GATA4: variants seen among roughly 807,000 people sequenced by gnomAD.
GATA4 encodes transcription factor GATA-4.
Under a neutral mutation model 37.9 loss-of-function variants are expected in GATA4, and 7 were observed. The observed-to-expected ratio is 0.18, with a 90% CI of 0.11 to 0.35. The LOEUF (loss-of-function observed/expected upper bound fraction) is 0.35, where lower values mean the gene tolerates loss of function less well. GATA4 is among the 10% of genes least tolerant of loss of function. GATA4 has a pLI of 1.00. For synonymous variants in GATA4, 372 were observed against 292.6 expected (o/e 1.27, Z -2.77); for missense variants, 647 against 653.0 (o/e 0.99, Z 0.10).
At chr8:11,739,510 C>T (rs1801620647) in intron 2 of GATA4, among the ~76,000 whole-genome samples, 1 of 147,570 alleles carries the variant, frequency 6.8e-6, no homozygotes, top group African/African-American at 2.6e-5. Flanking sequence ...TATATACACA[C>T]ATGTATGTGT....
intron 6 of GATA4, among the ~76,000 whole-genome samples, chr8:11,758,027 CT>C (rs1363377518): frequency 6.6e-6 from 1 of 152,200 alleles, no homozygotes; most frequent in African/African-American, 2.4e-5. Context: ...CCATCAGAGC[CT>C]TCTGGGCAAC....
chr8:11,697,936 T>A lies in GATA4; in HGVS notation c.-728-2572T>A, dbSNP rs115506608. On this transcript the variant is annotated intron_variant, in intron 1 of 2. Transcript: ENST00000526974. ...CCCACCAGTCCCCTGATGTGCGCGT[T>A]GAGGTCTTGGGCCTGGCGGCGCTCC... is the stretch of plus-strand genomic sequence containing the variant. 6.5e-4 allele frequency: 639 copies of A among 985,458 alleles called. 3 individuals are homozygous for A. In the African/African-American group the frequency reaches 0.01, roughly 16 times the overall value. 61.0% of individuals were successfully genotyped at this position (985,458 alleles called of 1,614,324 possible).
chr8:11,692,838 G>C, intron 1 of GATA4: 1 of 981,474 alleles, frequency 1.0e-6, no homozygotes, highest in Non-Finnish European at 1.2e-6. Flanking sequence ...AGGCGGGGGC[G>C]GCCGGCCGGG....
In GATA4 at chr8:11,695,451, C is replaced by A. The variant is rs560217015; in HGVS notation, c.-729+2791C>A. ...TAAATAAGAGCCAGAGTAATGGGTT[C>A]TGCAGAACGATATCATCTTGTACAG... On this transcript the variant is annotated intron_variant, in intron 1 of 2. Transcript: ENST00000526974. Among the ~76,000 whole-genome samples, 109 of 152,282 alleles carry A rather than the reference C, an allele frequency of 7.2e-4. 5 individuals are homozygous for A. In the South Asian group the frequency reaches 0.022, roughly 30 times the overall value.
chr8:11,682,704 A>G (rs936094072), intron 1 of GATA4, among the ~76,000 whole-genome samples: 1 of 152,248 alleles, frequency 6.6e-6, no homozygotes, highest in African/African-American at 2.4e-5. Flanking sequence ...AAAGTCAGCT[A>G]TGTCTCCTCT....
In GATA4 at chr8:11,709,548, G is replaced by T. The variant is rs1007526910; in HGVS notation, c.616+620G>T. ...GGCACTGTGCGGGTGCCACCCGGCC[G>T]AGCGCGTGGGCGCATCATGCGGGCA... On this transcript the variant is annotated intron_variant, in intron 2 of 6. Coordinates refer to ENST00000532059, the MANE Select transcript of GATA4 (RefSeq NM_001308093.3). The surrounding 1 kb of genome is among the most constrained non-coding windows in gnomAD (Gnocchi z 4.3). Among the ~76,000 whole-genome samples, 2 of 149,876 alleles carry T rather than the reference G, an allele frequency of 1.3e-5. No individual in the cohort carries two copies. The highest frequency in any genetic ancestry group is 1.5e-5 in the Non-Finnish European group (1 of 67,348).
At chr8:11,700,828 C>T (rs1383910764), upstream of GATA4, 1 of 152,228 alleles carries the variant, frequency 6.6e-6, no homozygotes, top group African/African-American at 2.4e-5. Context: ...ACTCTGGCGA[C>T]CTTGGTGGCG....
chr8:11,692,173 A>G (rs1404875330), upstream of GATA4: 1 of 371,940 alleles, frequency 2.7e-6, no homozygotes, highest in East Asian at 1.7e-4. Flanking sequence ...CCTCACTCCT[A>G]CTTCCCCAAA....
chr8:11,725,924 A>G lies in GATA4; in HGVS notation c.616+16996A>G, dbSNP rs369907753. ...GGCTTGTCTCTGCATGCAGCTTTTG[A>G]CTCATCTCCAGCCACAATTCCTGAG... On this transcript the variant is annotated intron_variant, in intron 2 of 6. Coordinates refer to ENST00000532059, the MANE Select transcript of GATA4 (RefSeq NM_001308093.3). 4.3e-4 allele frequency among the ~76,000 whole-genome samples: 66 copies of G among 151,742 alleles called. 2 individuals are homozygous for G. In the South Asian group the frequency reaches 0.013, roughly 30 times the overall value.
chr8:11,706,740 C>G (rs984597937), intron 1 of GATA4, among the ~76,000 whole-genome samples: 2 of 152,100 alleles, frequency 1.3e-5, no homozygotes, highest in Non-Finnish European at 2.9e-5. Context: ...GCCCCTGGAG[C>G]CCTACTGATC....
At chr8:11,744,843 T>A (rs1801951327) in intron 2 of GATA4, among the ~76,000 whole-genome samples, 1 of 152,164 alleles carries the variant, frequency 6.6e-6, no homozygotes, top group South Asian at 2.1e-4. Context: ...CAATGGGACT[T>A]CTATGCTGGT....
chr8:11,679,746 C>T (rs1387151072), intron 1 of GATA4, among the ~76,000 whole-genome samples: 1 of 152,168 alleles, frequency 6.6e-6, no homozygotes, highest in Non-Finnish European at 1.5e-5. Flanking sequence ...CGGAAAGTGA[C>T]ATTTTTACAG....
In GATA4 at chr8:11,748,930, G is replaced by A. The variant is rs377673676; in HGVS notation, c.631G>A (p.Asp211Asn). The A allele has an allele frequency of 9.9e-6, 16 of 1,614,078 alleles. No homozygotes were observed. Among genetic ancestry groups the A allele is most frequent in the South Asian group, 4.4e-5 (4 of 91,080 alleles). ...CCCCAACTCAGTAGATATGTTTGAC[G>A]ACTTCTCAGAAGGCAGAGAGTGTGT... is the stretch of plus-strand genomic sequence containing the variant. ...RHPNLVDMFD[D>N]FSEGRECVNC... Residue 211 changes from aspartate to asparagine, a missense_variant, in exon 3 of 7, where the codon GAC (aspartate) becomes AAC (asparagine). Around this residue, in one of 5 missense-constraint regions of GATA4, gnomAD observed 379 missense variants for 334.5 expected, o/e 1.13. Coordinates refer to ENST00000532059, the MANE Select transcript of GATA4 (RefSeq NM_001308093.3).
intron 2 of GATA4, among the ~76,000 whole-genome samples, chr8:11,736,780 G>T (rs976556320): frequency 2.6e-5 from 4 of 152,180 alleles, no homozygotes; most frequent in African/African-American, 7.2e-5. Context: ...AAGGTATAGC[G>T]TTAGCATTTG....
intron 2 of GATA4, among the ~76,000 whole-genome samples, chr8:11,731,596 T>C (rs1182036703): frequency 1.3e-5 from 2 of 151,990 alleles, no homozygotes; most frequent in Non-Finnish European, 1.5e-5. Context: ...TGCGGGAGGA[T>C]GGGGAGTTAG....
intron 2 of GATA4, among the ~76,000 whole-genome samples, chr8:11,732,296 C>T (rs1169231042): frequency 6.6e-6 from 1 of 152,200 alleles, no homozygotes; most frequent in Non-Finnish European, 1.5e-5. Flanking sequence ...GCAGATGGAA[C>T]TACTAGACGT....
At chr8:11,679,451 A>C (rs1309727888) in intron 1 of GATA4, among the ~76,000 whole-genome samples, 1 of 152,012 alleles carries the variant, frequency 6.6e-6, no homozygotes, top group Non-Finnish European at 1.5e-5. Context: ...AGGTCAATAA[A>C]CCAGGCGGCG....
intron 1 of GATA4, among the ~76,000 whole-genome samples, chr8:11,685,080 C>T (rs529885218): frequency 2.6e-5 from 4 of 152,276 alleles, no homozygotes; most frequent in Middle Eastern, 3.4e-3. Context: ...TTGACAAGGA[C>T]GCACCAAACA....
chr8:11,719,646 C>G (rs1800583883), intron 2 of GATA4, among the ~76,000 whole-genome samples: 1 of 152,124 alleles, frequency 6.6e-6, no homozygotes. Context: ...CCTTGACTTC[C>G]AGTTATCCTA....
Sources: gnomAD v4.1 joint callset for allele counts (sites outside exome capture counted in the v4.1 genomes callset) on GRCh38, gnomAD v4.1.1 for gene constraint, gnomAD v4.1.1 regional missense constraint, Gnocchi (gnomAD v3.1) non-coding constraint, MANE v1.5 for transcripts, NCBI Gene and HGNC (gene_info 2026-07-23, HGNC 2026-07-21) for gene names.